Variants in PPARG observed in about 807,000 individuals in gnomAD.
PPARG encodes the protein peroxisome proliferator-activated receptor gamma.
A neutral mutation model predicts 39.2 loss-of-function variants in PPARG; 17 were observed. The observed-to-expected ratio is 0.43, with a 90% CI of 0.30 to 0.65. The LOEUF is 0.65. Among genes scored for constraint, PPARG ranks in the 30% least tolerant of loss-of-function variants. The probability of loss-of-function intolerance (pLI) is 0.13; values close to 1 mark genes in which losing one functional copy is unlikely to be tolerated. For missense variants in PPARG, 406 were observed against 585.9 expected, an observed-to-expected ratio of 0.69 and a Z score of 3.17; for synonymous variants, 223 against 215.7, an observed-to-expected ratio of 1.03 and a Z score of -0.30.
chr3:12,431,566 A>G (rs2051660575), intron 7 of PPARG, among the ~76,000 whole-genome samples: 1 of 152,248 alleles, frequency 6.6e-6, no homozygotes, highest in Non-Finnish European at 1.5e-5. Flanking sequence ...TAAAACCAAA[A>G]GCTATGTCTT....
intron 2 of PPARG, among the ~76,000 whole-genome samples, chr3:12,345,914 G>C (rs2048312428): frequency 6.6e-6 from 1 of 152,088 alleles, no homozygotes; most frequent in Non-Finnish European, 1.5e-5. Context: ...AACTGAAAAA[G>C]ATACATGTTT....
At chr3:12,301,413 G>C (rs982359229) in intron 1 of PPARG, 2 of 152,186 alleles carry the variant, frequency 1.3e-5, no homozygotes, top group East Asian at 3.9e-4. Flanking sequence ...ATCAAGTTTT[G>C]GCCTCATTTG....
intron 5 of PPARG, among the ~76,000 whole-genome samples, chr3:12,398,504 A>C (rs1559524576): frequency 6.6e-6 from 1 of 152,228 alleles, no homozygotes; most frequent in South Asian, 2.1e-4. Flanking sequence ...ATAGAGGAAT[A>C]TAGGAGGATG....
chr3:12,334,516 A>C (rs2047954840), intron 2 of PPARG, among the ~76,000 whole-genome samples: 1 of 152,020 alleles, frequency 6.6e-6, no homozygotes, highest in Non-Finnish European at 1.5e-5. Context: ...CAGGTGTGGA[A>C]GCCACCGTGC....
chr3:12,339,688 G>C (rs1251661345), intron 2 of PPARG, among the ~76,000 whole-genome samples: 2 of 152,306 alleles, frequency 1.3e-5, no homozygotes, highest in Admixed American at 1.3e-4. Flanking sequence ...GCCTGGGCAA[G>C]TCACTTAACC....
In PPARG at chr3:12,325,732, A is replaced by C. The variant is rs141073613; in HGVS notation, c.-9+13279A>C. Among the ~76,000 whole-genome samples, 989 of 151,470 alleles carry C rather than the reference A, an allele frequency of 6.5e-3. 3 individuals carry two copies. The highest frequency in any genetic ancestry group is 9.3e-3 in the Non-Finnish European group (633 of 67,890). ...GGGACACATTAATTGTGCAAAAGGC[A>C]GTCACTTGTCTGTATTGTCTATTTT... On this transcript the variant is annotated intron_variant, in intron 2 of 7. Transcript: ENST00000651735.
At chr3:12,368,412 C>T (rs1157259964) in intron 2 of PPARG, among the ~76,000 whole-genome samples, 1 of 151,842 alleles carries the variant, frequency 6.6e-6, no homozygotes, top group Non-Finnish European at 1.5e-5. Flanking sequence ...GAACTCCTGA[C>T]CTCAGGTGAT....
At chr3:12,351,004 A>C (rs1269344056) in intron 2 of PPARG, among the ~76,000 whole-genome samples, 1 of 152,220 alleles carries the variant, frequency 6.6e-6, no homozygotes, top group Non-Finnish European at 1.5e-5. Context: ...ATAACATTTC[A>C]GTAGCATGCT....
At chr3:12,383,908 G>A (rs1314876634) in intron 4 of PPARG, among the ~76,000 whole-genome samples, 1 of 152,032 alleles carries the variant, frequency 6.6e-6, no homozygotes, top group Non-Finnish European at 1.5e-5. Context: ...AGGGTAGAAA[G>A]CAGGGAGGGA....
intron 1 of PPARG, among the ~76,000 whole-genome samples, chr3:12,309,635 A>G (rs1056149326): frequency 2.6e-5 from 4 of 152,228 alleles, no homozygotes; most frequent in Non-Finnish European, 5.9e-5. Context: ...TAAAAAATCA[A>G]CTATAAAACT....
chr3:12,379,414 A>C (rs1357537480), intron 2 of PPARG, among the ~76,000 whole-genome samples: 1 of 152,228 alleles, frequency 6.6e-6, no homozygotes, highest in Non-Finnish European at 1.5e-5. Flanking sequence ...CCTAATGTAG[A>C]AGTTAATGAG....
chr3:12,408,294 C>A (rs4135283), intron 6 of PPARG, among the ~76,000 whole-genome samples: 5,730 of 152,288 alleles, frequency 0.038, 297 homozygotes, highest in East Asian at 0.29. Flanking sequence ...TTGTGCTGTT[C>A]TGTTCTTTTC....
chr3:12,339,967 G>A (rs2048132539), intron 2 of PPARG, among the ~76,000 whole-genome samples: 1 of 152,164 alleles, frequency 6.6e-6, no homozygotes, highest in African/African-American at 2.4e-5. Context: ...TCAAAGTGTT[G>A]ATCTGAAAGT....
chr3:12,417,002 A>G lies in PPARG; in HGVS notation c.1028A>G (p.Gln343Arg). Residue 343 changes from glutamine (Q) to arginine (R), a missense_variant, in exon 7 of 8, where the codon CAA (glutamine) becomes CGA (arginine). By Grantham distance (43) the Gln-to-Arg change is conservative. Transcript: ENST00000651735. ...GATGGGGTTCTCATATCCGAGGGCC[A>G]AGGCTTCATGACAAGGGAGTTTCTA... is the stretch of plus-strand genomic sequence containing the variant. The part of the protein sequence containing the change: ...NKDGVLISEG[Q>R]GFMTREFLKS... 6.2e-7 allele frequency: 1 copy of G among 1,614,044 alleles called. No individual in the cohort carries two copies. Among genetic ancestry groups the G allele is most frequent in the East Asian group, 2.2e-5 (1 of 44,876 alleles).
rs145130402 is a variant in PPARG at position 12,316,178 on chromosome 3, G to A, written c.-9+3725G>A. Among the ~76,000 whole-genome samples the A allele has an allele frequency of 2.8e-3, 430 of 152,280 alleles. 2 individuals carry two copies. Among genetic ancestry groups the A allele is most frequent in the African/African-American group, 9.6e-3 (398 of 41,554 alleles). ...AAAGAGCAAACTCTTAAAAGACAAA[G>A]TTAGGAGCAGGTACGTACTTTGGCG... On this transcript the variant is annotated intron_variant, in intron 2 of 7. Transcript: ENST00000651735.
chr3:12,375,967 G>A (rs1464017099), intron 2 of PPARG, among the ~76,000 whole-genome samples: 1 of 129,034 alleles, frequency 7.7e-6, no homozygotes, highest in East Asian at 2.2e-4. Flanking sequence ...TTTTTCTTTT[G>A]AGTTGGAGTT....
Position 12,416,780 on chromosome 3 carries a change from A to G in PPARG, c.806A>G (p.Gln269Arg), listed in dbSNP as rs2125284211. The change falls in exon 7 of 8, where the codon CAG becomes CGG. Residue 269 changes from glutamine to arginine, a missense_variant. Transcript: ENST00000651735. The part of the protein sequence containing the change: ...KIKFKHITPL[Q>R]EQSKEVAIRI... ...AAGTTCAAACACATCACCCCCCTGC[A>G]GGAGCAGAGCAAAGAGGTGGCCATC... 1.9e-6 allele frequency: 3 copies of G among 1,614,106 alleles called. No homozygotes were observed. Among genetic ancestry groups the G allele is most frequent in the South Asian group, 1.1e-5 (1 of 91,074 alleles).
intron 4 of PPARG, among the ~76,000 whole-genome samples, chr3:12,389,693 C>T (rs747241123): frequency 1.3e-5 from 2 of 152,028 alleles, no homozygotes; most frequent in Non-Finnish European, 2.9e-5. Flanking sequence ...GAGTTCAAGA[C>T]CAGCCTGGCC....
chr3:12,390,519 A>G (rs2050032625), intron 4 of PPARG, among the ~76,000 whole-genome samples: 1 of 151,482 alleles, frequency 6.6e-6, no homozygotes, highest in African/African-American at 2.4e-5. Context: ...CCAAATTTTA[A>G]TAGTGTCCCA....
Sources: allele counts gnomAD v4.1 joint callset (sites outside exome capture counted in the v4.1 genomes callset), GRCh38; gene constraint gnomAD v4.1.1; transcripts MANE v1.5; gene names NCBI Gene and HGNC (gene_info 2026-07-23, HGNC 2026-07-21).